The following CCDC30 variants were observed in gnomAD, a reference collection of about 807,000 sequenced individuals.
CCDC30 encodes the protein coiled-coil domain-containing protein 30.
CCDC30 carries 70 observed loss-of-function variants against 100.2 expected under a neutral mutation model. The ratio of observed to expected loss-of-function variants is 0.70; its 90% CI spans 0.58 to 0.85. CCDC30 has a LOEUF of 0.85. Among genes scored for constraint, CCDC30 ranks in the 40% least tolerant of loss-of-function variants. The probability of loss-of-function intolerance (pLI) is 0.00; values close to 1 mark genes in which losing one functional copy is unlikely to be tolerated. For missense variants in CCDC30, 652 were observed against 771.2 expected (o/e 0.85, Z 1.83); for synonymous variants, 233 against 269.5 (o/e 0.86, Z 1.33).
chr1:42,500,748 A>T (rs898934635), intron 6 of CCDC30, among the ~76,000 whole-genome samples: 1 of 149,736 alleles, frequency 6.7e-6, no homozygotes, highest in African/African-American at 2.4e-5. Flanking sequence ...TGAGTTGTAG[A>T]AGTAGTTTTG....
chr1:42,578,246 T>G (rs1478526530), intron 8 of CCDC30, among the ~76,000 whole-genome samples: 1 of 152,150 alleles, frequency 6.6e-6, no homozygotes. Flanking sequence ...AAATCTAATG[T>G]TGAGTTAAAG....
At chr1:42,457,608 C>T in the CCDC30 span, 7 of 488,662 alleles carry the variant, frequency 1.4e-5, no homozygotes, top group African/African-American at 1.2e-4. Flanking sequence ...CGAGTGAATC[C>T]TGGGGGAGTC....
At position 42,624,437 on chromosome 1, in the gene CCDC30, A is replaced by G. The variant is rs116452574; in HGVS notation, c.1278-12800A>G. 3.7e-3 allele frequency among the ~76,000 whole-genome samples: 567 copies of G among 152,274 alleles called. 3 individuals carry two copies. The highest frequency in any genetic ancestry group is 0.013 in the African/African-American group (528 of 41,542). On this transcript the variant is annotated intron_variant, in intron 11 of 16. Coordinates refer to ENST00000668663, the Ensembl canonical transcript of CCDC30. ...TCCCAGGGATAAATCCCACATGGTCATGATGATCTTTTTAATGTATTATCG... is the reference window on the plus strand; with the variant it reads ...TCCCAGGGATAAATCCCACATGGTCGTGATGATCTTTTTAATGTATTATCG...
chr1:42,638,004 T>C (rs567191942), intron 12 of CCDC30, among the ~76,000 whole-genome samples: 1 of 152,322 alleles, frequency 6.6e-6, no homozygotes, highest in East Asian at 1.9e-4. Context: ...TCTATCATCA[T>C]TCCTAAAATA....
intron 6 of CCDC30, among the ~76,000 whole-genome samples, chr1:42,538,217 C>T (rs1207615042): frequency 2.0e-5 from 3 of 147,328 alleles, no homozygotes; most frequent in Non-Finnish European, 3.0e-5. Context: ...GTAATCCCAG[C>T]TACACAGGAG....
At chr1:42,616,041 G>A (rs748833223) in intron 11 of CCDC30, among the ~76,000 whole-genome samples, 7 of 151,884 alleles carry the variant, frequency 4.6e-5, no homozygotes, top group African/African-American at 7.3e-5. Flanking sequence ...TCAGCCTCCC[G>A]AGTAGCTGGA....
intron 6 of CCDC30, among the ~76,000 whole-genome samples, chr1:42,538,846 A>G (rs941672419): frequency 2.6e-5 from 4 of 152,214 alleles, no homozygotes; most frequent in Non-Finnish European, 5.9e-5. Context: ...AGATAATATA[A>G]CTATTGATAG....
At chr1:42,509,560 G>A (rs1484987961) in intron 6 of CCDC30, among the ~76,000 whole-genome samples, 2 of 152,180 alleles carry the variant, frequency 1.3e-5, no homozygotes, top group East Asian at 1.9e-4. Context: ...GTATTGCCAT[G>A]TGGTTACAGG....
intron 3 of CCDC30, among the ~76,000 whole-genome samples, chr1:42,486,290 A>G (rs1268899662): frequency 2.0e-5 from 3 of 152,228 alleles, no homozygotes; most frequent in Non-Finnish European, 4.4e-5. Context: ...AGTAGCTAAC[A>G]GCACACCCGA....
chr1:42,606,602 C>T (rs890375592), intron 10 of CCDC30, among the ~76,000 whole-genome samples: 4 of 152,184 alleles, frequency 2.6e-5, no homozygotes, highest in African/African-American at 9.7e-5. Flanking sequence ...TTTGCATGAG[C>T]AGGTTCCTCT....
chr1:42,459,715 G>A, upstream of CCDC30: 6 of 1,614,106 alleles, frequency 3.7e-6, no homozygotes, highest in Middle Eastern at 3.3e-4. Flanking sequence ...GTAATTAATC[G>A]AGCTCGGAAG....
rs894522799 is a variant in CCDC30, at chr1:42,502,018, G to T, written c.456+3102G>T. The stretch of plus-strand genomic sequence containing the variant: ...GACGTTTAAGTCTGCAGAAGTTTCT[G>T]CTGCCTTTTTTGTTCAGCTATGCCC... On this transcript the variant is annotated intron_variant, in intron 6 of 16. Transcript: ENST00000668663. Among the ~76,000 whole-genome samples, 4 of 152,212 alleles carry T rather than the reference G, an allele frequency of 2.6e-5. No homozygotes were observed. In the East Asian group the frequency reaches 7.7e-4, roughly 29 times the overall value.
intron 11 of CCDC30, among the ~76,000 whole-genome samples, chr1:42,615,606 C>A (rs148551559): frequency 6.6e-6 from 1 of 151,852 alleles, no homozygotes; most frequent in African/African-American, 2.4e-5. Context: ...CCCGGCCAAG[C>A]AATTCTTAAA....
rs184030971 is a variant in CCDC30, at chr1:42,596,560, G to T, written c.1164+7077G>T. Among the ~76,000 whole-genome samples the T allele has an allele frequency of 6.6e-6, 1 of 152,068 alleles. No individual in the cohort carries two copies. Among genetic ancestry groups the T allele is most frequent in the Admixed American group, 6.6e-5 (1 of 15,262 alleles). On this transcript the variant is annotated intron_variant, in intron 10 of 16. Coordinates refer to ENST00000668663, the Ensembl canonical transcript of CCDC30. The surrounding 1 kb of genome is among the most constrained non-coding windows in gnomAD (Gnocchi z 4.3). ...AAAACTAGCACGTGTGAAATTTACA[G>T]TCCAGGGGCACAGGCTTACTAAAAG... is the stretch of plus-strand genomic sequence containing the variant.
intron 6 of CCDC30, among the ~76,000 whole-genome samples, chr1:42,547,434 C>T (rs1645166745): frequency 6.6e-6 from 1 of 152,176 alleles, no homozygotes; most frequent in East Asian, 1.9e-4. Context: ...GAAAGTTCTT[C>T]AAAAAGGAGC....
At chr1:42,547,362 G>T (rs748526160) in intron 6 of CCDC30, among the ~76,000 whole-genome samples, 2 of 152,196 alleles carry the variant, frequency 1.3e-5, no homozygotes, top group Non-Finnish European at 2.9e-5. Flanking sequence ...ATATATGAGT[G>T]ATAGATGAAG....
intron 6 of CCDC30, among the ~76,000 whole-genome samples, chr1:42,544,601 A>G (rs1017867188): frequency 6.6e-6 from 1 of 151,942 alleles, no homozygotes; most frequent in East Asian, 1.9e-4. Context: ...TGCAATCTCC[A>G]CCTCCCAGGC....
chr1:42,543,210 T>A (rs944019547), intron 6 of CCDC30, among the ~76,000 whole-genome samples: 10 of 151,550 alleles, frequency 6.6e-5, no homozygotes, highest in Non-Finnish European at 1.5e-4. Context: ...CCTGACCTCA[T>A]GATCTGCCCA....
intron 6 of CCDC30, among the ~76,000 whole-genome samples, chr1:42,546,350 A>C (rs1461420078): frequency 2.1e-5 from 3 of 143,280 alleles, no homozygotes; most frequent in Non-Finnish European, 4.5e-5. Flanking sequence ...ACGCCATTGC[A>C]CTCCAGCCTG....
Sources: allele counts gnomAD v4.1 joint callset (sites outside exome capture counted in the v4.1 genomes callset), GRCh38; gene constraint gnomAD v4.1.1; non-coding constraint Gnocchi (gnomAD v3.1); transcripts MANE v1.5; gene names NCBI Gene and HGNC (gene_info 2026-07-23, HGNC 2026-07-21).